The following NUP155 variants were observed in gnomAD, a reference collection of about 807,000 sequenced individuals.
The protein encoded by NUP155 is nucleoporin 155, also known as nuclear pore complex protein Nup155.
Under a neutral mutation model 180.4 loss-of-function variants are expected in NUP155, and 71 were observed. The ratio of observed to expected loss-of-function variants is 0.39; its 90% CI spans 0.33 to 0.48. NUP155 has a LOEUF of 0.48. NUP155 is among the 20% of genes least tolerant of loss of function. The probability of loss-of-function intolerance (pLI) is 0.91; values close to 1 mark genes in which losing one functional copy is unlikely to be tolerated. For synonymous variants in NUP155, 582 were observed against 559.5 expected (o/e 1.04, Z -0.57); for missense variants, 1,553 against 1,648.9 (o/e 0.94, Z 1.01).
chr5:37,365,711 GAGAAAAA>G lies in NUP155; in HGVS notation c.158-1334_158-1328del, dbSNP rs1288159085. Among the ~76,000 whole-genome samples the G allele has an allele frequency of 2.2e-3, 76 of 34,006 alleles. 7 individuals are homozygous for G. The highest frequency in any genetic ancestry group is 7.8e-3 in the African/African-American group (49 of 6,314). The allele number at this position is 34,006 out of a possible 152,430, so 22.3% of individuals were successfully genotyped here. On this transcript the variant is annotated intron_variant, in intron 1 of 34. Coordinates refer to ENST00000231498, the MANE Select transcript of NUP155 (RefSeq NM_153485.3). ...TGACAGAGCAAGACTCTGTCTCGGG[GAGAAAAA>G]AAAAAAAAAAAAAAAAAAAAATATA...
At chr5:37,353,352 G>A (rs1195302966) in intron 4 of NUP155, among the ~76,000 whole-genome samples, 4 of 152,100 alleles carry the variant, frequency 2.6e-5, no homozygotes, top group Non-Finnish European at 4.4e-5. Flanking sequence ...GGAGGCTGAG[G>A]CAGGCAAATC....
At chr5:37,351,684 C>T (rs13189621) in intron 5 of NUP155, among the ~76,000 whole-genome samples, 1 of 151,854 alleles carries the variant, frequency 6.6e-6, no homozygotes, top group Non-Finnish European at 1.5e-5. Flanking sequence ...CTCCTGATCT[C>T]GTGATCCGCC....
At chr5:37,358,628 G>T (rs1177795899) in intron 3 of NUP155, among the ~76,000 whole-genome samples, 2 of 152,084 alleles carry the variant, frequency 1.3e-5, no homozygotes, top group African/African-American at 2.4e-5. Flanking sequence ...GCTAATTTTT[G>T]TATTTTTTGT....
At chr5:37,344,816 G>T (rs1745970581) in intron 9 of NUP155, among the ~76,000 whole-genome samples, 1 of 150,382 alleles carries the variant, frequency 6.6e-6, no homozygotes, top group African/African-American at 2.4e-5. Flanking sequence ...AGGTTGCAGT[G>T]AGCCAAGATC....
At chr5:37,324,465 A>C (rs931394102) in intron 19 of NUP155, among the ~76,000 whole-genome samples, 1 of 152,116 alleles carries the variant, frequency 6.6e-6, no homozygotes, top group Non-Finnish European at 1.5e-5. Context: ...TACTCCTATC[A>C]ACATAGATTA....
chr5:37,364,640 ATTTT>A (rs113039347), intron 1 of NUP155, among the ~76,000 whole-genome samples: 9 of 52,962 alleles, frequency 1.7e-4, no homozygotes, highest in South Asian at 1.4e-3. Flanking sequence ...ATTTTATTTT[ATTTT>A]TTTTTTTTTT....
rs70976294 is a variant in NUP155, at chr5:37,294,005, C to CAAAAAAAAA, written c.3930+315_3930+323dup. On this transcript the variant is annotated intron_variant, in intron 33 of 34. Coordinates refer to ENST00000231498, the MANE Select transcript of NUP155 (RefSeq NM_153485.3). ...TGGGCAACAGAGCGAGACGCCGTCT[C>CAAAAAAAAA]AAAAAAAAAAAAAAAAAAAAAAATA... Among the ~76,000 whole-genome samples the CAAAAAAAAA allele has an allele frequency of 9.7e-4, 36 of 37,250 alleles. 1 individual carries two copies. The highest frequency in any genetic ancestry group is 2.6e-3 in the East Asian group (4 of 1,558). The allele number at this position is 37,250 out of a possible 152,430, so 24.4% of individuals were successfully genotyped here.
At chr5:37,346,686 A>AAG (rs759663488) in intron 9 of NUP155, among the ~76,000 whole-genome samples, 2 of 151,816 alleles carry the variant, frequency 1.3e-5, no homozygotes, top group Non-Finnish European at 1.5e-5. Flanking sequence ...ACAAAAAAAA[A>AAG]AGAGAGAGAG....
chr5:37,346,688 G>A (rs978856221), intron 9 of NUP155, among the ~76,000 whole-genome samples: 7 of 151,012 alleles, frequency 4.6e-5, no homozygotes, highest in South Asian at 2.1e-4. Flanking sequence ...AAAAAAAAAA[G>A]AGAGAGAGAG....
chr5:37,297,278 C>G (rs1446065069), intron 32 of NUP155, among the ~76,000 whole-genome samples: 1 of 151,358 alleles, frequency 6.6e-6, no homozygotes, highest in Non-Finnish European at 1.5e-5. Context: ...TTTGCCTCTC[C>G]AAAGTGTTGA....
intron 15 of NUP155, 78 bp from the exon 16 acceptor site, chr5:37,329,356 T>A: frequency 8.9e-7 from 1 of 1,124,582 alleles, no homozygotes; most frequent in Non-Finnish European, 1.4e-6. Context: ...TTCCTTTTCC[T>A]GTTTAGCTTC....
chr5:37,333,937 G>C (rs1389023106), intron 12 of NUP155, among the ~76,000 whole-genome samples: 1 of 151,808 alleles, frequency 6.6e-6, no homozygotes, highest in Non-Finnish European at 1.5e-5. Flanking sequence ...TAGTAGCTGG[G>C]ATTACAGCCA....
chr5:37,302,932 T>C (rs1742942360), intron 28 of NUP155, 24 bp from the exon 29 acceptor site: 2 of 1,612,972 alleles, frequency 1.2e-6, no homozygotes, highest in South Asian at 2.2e-5. Context: ...CGCTTATTTT[T>C]AGTTACACAA....
At chr5:37,357,439 C>T (rs1381397725) in intron 4 of NUP155, among the ~76,000 whole-genome samples, 2 of 113,786 alleles carry the variant, frequency 1.8e-5, no homozygotes, top group Admixed American at 1.8e-4. Flanking sequence ...GAAAGACAGA[C>T]TAATAAAATG....
Position 37,325,942 on chromosome 5 carries a change from C to A in NUP155, c.2050G>T (p.Val684Leu). ...MGNIWDASLV[V>L]ERIFKSGNRE... is the part of the protein sequence containing the mutation. ...TTGCCACTCTTGAATATTCTCTCCA[C>A]AACTAAGCTTGCATCCCAAATGTTT... The change falls in exon 19 of 35, where the codon GTG (valine) becomes TTG (leucine). Residue 684 changes from valine (V) to leucine (L), a missense_variant. By Grantham distance (32) the Val-to-Leu change is conservative. Transcript: ENST00000231498. 1 of 1,610,750 alleles carries A rather than the reference C, an allele frequency of 6.2e-7. No individual in the cohort carries two copies. The highest frequency in any genetic ancestry group is 8.5e-7 in the Non-Finnish European group (1 of 1,178,084).
intron 2 of NUP155, 38 bp from the exon 3 acceptor site, chr5:37,364,022 C>G (rs896578784): frequency 5.5e-6 from 8 of 1,442,796 alleles, no homozygotes; most frequent in Admixed American, 1.7e-5. Flanking sequence ...AGAGGTGAAT[C>G]TTATTCTTCT....
rs191751404 is a variant in NUP155, at chr5:37,325,421, G to A, written c.2091+480C>T. ...GACAGTTAATCAATGTTAGAGATGA[G>A]ATTTAAACCTGAAGGTAAGCAGTTT... On this transcript the variant is annotated intron_variant, in intron 19 of 34. Transcript: ENST00000231498. 2.6e-5 allele frequency among the ~76,000 whole-genome samples: 4 copies of A among 152,188 alleles called. No individual in the cohort carries two copies. The East Asian group carries it at 5.8e-4, about 22-fold the overall frequency.
chr5:37,330,915 C>T (rs1581169860), intron 14 of NUP155, among the ~76,000 whole-genome samples: 2 of 151,970 alleles, frequency 1.3e-5, no homozygotes, highest in South Asian at 2.1e-4. Flanking sequence ...TTTGGCAGGC[C>T]GAGGCGGGTG....
intron 2 of NUP155, 43 bp downstream of exon 2, chr5:37,364,204 C>T (rs1435664108): frequency 3.4e-6 from 5 of 1,450,756 alleles, no homozygotes; most frequent in African/African-American, 1.4e-5. Flanking sequence ...ATGAAAAATA[C>T]CAATTTTAAC....
Sources: allele counts gnomAD v4.1 joint callset (sites outside exome capture counted in the v4.1 genomes callset), GRCh38; gene constraint gnomAD v4.1.1; transcripts MANE v1.5; gene names NCBI Gene and HGNC (gene_info 2026-07-23, HGNC 2026-07-21).